Variants in PLCB1 observed in about 807,000 individuals in gnomAD.
PLCB1 encodes phospholipase C beta 1, also known as 1-phosphatidylinositol 4,5-bisphosphate phosphodiesterase beta-1.
In PLCB1, 46 loss-of-function variants were observed where a neutral mutation model predicts 161.8. That is an observed-to-expected ratio of 0.28 (90% CI 0.22 to 0.36). The LOEUF (loss-of-function observed/expected upper bound fraction) is 0.36, where lower values mean the gene tolerates loss of function less well. PLCB1 is among the 10% of genes least tolerant of loss of function. The probability of loss-of-function intolerance (pLI) is 1.00; values close to 1 mark genes in which losing one functional copy is unlikely to be tolerated. For missense variants in PLCB1, 1,016 were observed against 1,472.5 expected (o/e 0.69, Z 5.07); for synonymous variants, 517 against 503.7 (o/e 1.03, Z -0.35).
chr20:8,606,613 A>G lies in PLCB1; in HGVS notation c.247-21681A>G, dbSNP rs563431647. On this transcript the variant is annotated intron_variant, in intron 3 of 31. Coordinates refer to ENST00000338037, the MANE Select transcript of PLCB1 (RefSeq NM_015192.4). Reference sequence around the variant, plus strand: ...AATATGCTAGTGTCTTTTTTAGGATATTTACAATTATATTTGTAAGTGAGA... The same window carrying G: ...AATATGCTAGTGTCTTTTTTAGGATGTTTACAATTATATTTGTAAGTGAGA... Among the ~76,000 whole-genome samples the G allele has an allele frequency of 2.8e-4, 43 of 152,304 alleles. No homozygotes were observed. In the East Asian group the frequency reaches 3.9e-3, roughly 14 times the overall value.
intron 31 of PLCB1, among the ~76,000 whole-genome samples, chr20:8,795,913 G>A (rs1474684): frequency 0.7 from 105,694 of 150,308 alleles, 37,357 homozygotes; most frequent in Admixed American, 0.75. Context: ...AACACGGTTA[G>A]TCACAAGTTG....
At chr20:8,665,383 A>C (rs1180915165) in intron 9 of PLCB1, among the ~76,000 whole-genome samples, 1 of 152,340 alleles carries the variant, frequency 6.6e-6, no homozygotes, top group East Asian at 1.9e-4. Flanking sequence ...ATTGGCATTT[A>C]TGCCAAATTA....
intron 3 of PLCB1, among the ~76,000 whole-genome samples, chr20:8,522,214 C>T (rs1000931408): frequency 1.3e-5 from 2 of 152,168 alleles, no homozygotes; most frequent in Non-Finnish European, 2.9e-5. Flanking sequence ...CTGGAGCTCC[C>T]CTTGGATTGA....
At chr20:8,777,693 T>C (rs1226997859) in intron 27 of PLCB1, among the ~76,000 whole-genome samples, 1 of 144,626 alleles carries the variant, frequency 6.9e-6, no homozygotes, top group Non-Finnish European at 1.5e-5. Context: ...CACTTCAGCC[T>C]GGGTGACAGA....
chr20:8,816,769 A>G (rs1472992774), intron 31 of PLCB1, among the ~76,000 whole-genome samples: 1 of 152,202 alleles, frequency 6.6e-6, no homozygotes, highest in Non-Finnish European at 1.5e-5. Context: ...GCATGTGTTT[A>G]CTGAAATAAT....
chr20:8,840,773 A>G (rs1280563490), intron 31 of PLCB1, among the ~76,000 whole-genome samples: 1 of 152,126 alleles, frequency 6.6e-6, no homozygotes, highest in African/African-American at 2.4e-5. Flanking sequence ...TACATATTGT[A>G]CTAAATCACT....
intron 3 of PLCB1, among the ~76,000 whole-genome samples, chr20:8,416,167 G>A (rs1285542418): frequency 6.6e-6 from 1 of 152,118 alleles, no homozygotes; most frequent in Non-Finnish European, 1.5e-5. Context: ...CTAAATTCAA[G>A]GTATTGTGAC....
intron 3 of PLCB1, among the ~76,000 whole-genome samples, chr20:8,411,419 A>G (rs1979037664): frequency 6.6e-6 from 1 of 152,226 alleles, no homozygotes; most frequent in Non-Finnish European, 1.5e-5. Flanking sequence ...TAACTCACAT[A>G]TTCTATTAGA....
At chr20:8,594,263 C>T (rs1394897656) in intron 3 of PLCB1, among the ~76,000 whole-genome samples, 1 of 152,114 alleles carries the variant, frequency 6.6e-6, no homozygotes, top group East Asian at 1.9e-4. Flanking sequence ...TAAACTCGAC[C>T]GAAAATAAAA....
intron 2 of PLCB1, among the ~76,000 whole-genome samples, chr20:8,244,839 C>A (rs991989092): frequency 2.6e-5 from 4 of 151,614 alleles, no homozygotes; most frequent in Admixed American, 2.6e-4. Flanking sequence ...TGGTTCTGGG[C>A]CAAACTGGAG....
intron 2 of PLCB1, among the ~76,000 whole-genome samples, chr20:8,155,385 TAC>T (rs1317629659): frequency 2.0e-5 from 3 of 152,346 alleles, no homozygotes; most frequent in African/African-American, 7.2e-5. Context: ...TGGATGTTTG[TAC>T]AGAGTGATGA....
At chr20:8,850,405 G>C (rs1439144233) in intron 31 of PLCB1, among the ~76,000 whole-genome samples, 2 of 152,194 alleles carry the variant, frequency 1.3e-5, no homozygotes, top group Non-Finnish European at 2.9e-5. Flanking sequence ...TGAGAAAGCA[G>C]ACCAGGCTCC....
intron 31 of PLCB1, among the ~76,000 whole-genome samples, chr20:8,856,024 A>G (rs1987054525): frequency 6.6e-6 from 1 of 152,132 alleles, no homozygotes; most frequent in Non-Finnish European, 1.5e-5. Flanking sequence ...ATACACACCC[A>G]TATACACCAC....
intron 3 of PLCB1, among the ~76,000 whole-genome samples, chr20:8,393,802 TTTA>T (rs1174799750): frequency 6.6e-6 from 1 of 152,160 alleles, no homozygotes; most frequent in Non-Finnish European, 1.5e-5. Flanking sequence ...CTAAAAGCCA[TTTA>T]TTATGAAGTT....
chr20:8,729,287 T>G, intron 18 of PLCB1, 113 bp downstream of exon 18: 1 of 963,882 alleles, frequency 1.0e-6, no homozygotes, highest in Non-Finnish European at 1.4e-6. Context: ...AAAAAATAAA[T>G]AAAAGCAAAT....
At chr20:8,727,461 G>T (rs1980001735) in intron 17 of PLCB1, 68 bp downstream of exon 17, 2 of 897,752 alleles carry the variant, frequency 2.2e-6, no homozygotes, top group African/African-American at 1.7e-5. Context: ...TGTTCATTTG[G>T]TTTTTTAATA....
chr20:8,337,916 A>G lies in PLCB1; in HGVS notation c.178-33466A>G, dbSNP rs545098644. Among the ~76,000 whole-genome samples, 4 of 152,294 alleles carry G rather than the reference A, an allele frequency of 2.6e-5. No individual in the cohort carries two copies. The South Asian group carries it at 8.3e-4, about 32-fold the overall frequency. Reference sequence around the variant, plus strand: ...GAGTAAGAGTGAGGTCCTGGCATCTAAAGTTGTAGAGTTGTCCATGGCAAG... The same window carrying G: ...GAGTAAGAGTGAGGTCCTGGCATCTGAAGTTGTAGAGTTGTCCATGGCAAG... On this transcript the variant is annotated intron_variant, in intron 2 of 31. Transcript: ENST00000338037.
At chr20:8,161,688 A>T (rs1159606271) in intron 2 of PLCB1, among the ~76,000 whole-genome samples, 2 of 152,154 alleles carry the variant, frequency 1.3e-5, no homozygotes, top group Non-Finnish European at 2.9e-5. Flanking sequence ...TGCACAATGA[A>T]ATCACAGGGG....
intron 3 of PLCB1, among the ~76,000 whole-genome samples, chr20:8,374,270 A>G (rs1228791096): frequency 2.0e-5 from 3 of 151,492 alleles, no homozygotes; most frequent in Non-Finnish European, 4.4e-5. Flanking sequence ...TCCTGAGTTC[A>G]CTCTCTCCTG....
Sources: allele counts gnomAD v4.1 joint callset (sites outside exome capture counted in the v4.1 genomes callset), GRCh38; gene constraint gnomAD v4.1.1; transcripts MANE v1.5; gene names NCBI Gene and HGNC (gene_info 2026-07-23, HGNC 2026-07-21).